Variants in CNIH4 observed in about 807,000 individuals in gnomAD.
CNIH4 encodes the protein protein cornichon homolog 4.
Under a neutral mutation model 21.5 loss-of-function variants are expected in CNIH4, and 9 were observed. That is an observed-to-expected ratio of 0.42 (90% CI 0.25 to 0.73). CNIH4 has a LOEUF of 0.73. CNIH4 is among the 30% of genes least tolerant of loss of function. The probability of loss-of-function intolerance (pLI) is 0.27; values close to 1 mark genes in which losing one functional copy is unlikely to be tolerated. For missense variants in CNIH4, 159 were observed against 170.0 expected, an observed-to-expected ratio of 0.94 and a Z score of 0.36; for synonymous variants, 67 against 59.1, an observed-to-expected ratio of 1.13 and a Z score of -0.61.
At chr1:224,358,621 T>G (rs1374583105) in intron 1 of CNIH4, among the ~76,000 whole-genome samples, 1 of 152,200 alleles carries the variant, frequency 6.6e-6, no homozygotes, top group Non-Finnish European at 1.5e-5. Flanking sequence ...AGTATTAGTG[T>G]ATTTTATGTG....
At chr1:224,375,734 C>T in intron 4 of CNIH4, 61 bp from the exon 5 acceptor site, 3 of 1,601,940 alleles carry the variant, frequency 1.9e-6, no homozygotes, top group Admixed American at 1.7e-5. Context: ...TCTGGACAAA[C>T]CAGGCTCTGT....
chr1:224,365,991 G>C lies in CNIH4; in HGVS notation c.251G>C (p.Arg84Pro), dbSNP rs183720647. Reference sequence around the variant, plus strand: ...CCTGTTGCCACTTGGAATATATATCGGTGAGTATAGTTTGTTTACTTTGGT... The same window carrying C: ...CCTGTTGCCACTTGGAATATATATCCGTGAGTATAGTTTGTTTACTTTGGT... ...NLPVATWNIY[R>P]YIMVPSGNMG... Residue 84 changes from arginine to proline, a missense_variant and splice_region_variant, in exon 3 of 5, where the codon CGA becomes CCA. By Grantham distance (103) the Arg-to-Pro change is moderately radical. Coordinates refer to ENST00000465271, the MANE Select transcript of CNIH4 (RefSeq NM_014184.4). The C allele has an allele frequency of 1.3e-6, 2 of 1,550,442 alleles. No individual in the cohort carries two copies. The highest frequency in any genetic ancestry group is 8.9e-7 in the Non-Finnish European group (1 of 1,122,430).
At chr1:224,366,037 A>G (rs756655905) in intron 3 of CNIH4, 46 bp downstream of exon 3, 6 of 1,259,420 alleles carry the variant, frequency 4.8e-6, no homozygotes, top group Non-Finnish European at 7.0e-6. Context: ...TTAAAAAAAA[A>G]TTTAAAAAGT....
In CNIH4 at chr1:224,371,336, A is replaced by C; in HGVS notation, c.305A>C (p.His102Pro). ...NMGVFDPTEI[H>P]NRGQLKSHMK... ...GGAGTGTTTGATCCAACAGAAATAC[A>C]CAATCGAGGGCAGCTGAAGTCACAC... The change falls in exon 4 of 5, where the codon CAC becomes CCC. Residue 102 changes from histidine (H) to proline (P), a missense_variant. Transcript: ENST00000465271. The C allele has an allele frequency of 6.2e-7, 1 of 1,614,140 alleles. No homozygotes were observed. Among genetic ancestry groups the C allele is most frequent in the Non-Finnish European group, 8.5e-7 (1 of 1,180,004 alleles).
intron 2 of CNIH4, 146 bp downstream of exon 2, chr1:224,360,709 A>G (rs1179832224): frequency 2.3e-5 from 10 of 435,880 alleles, no homozygotes; most frequent in Middle Eastern, 6.1e-4. Flanking sequence ...GCTGTGTTTT[A>G]CAATATTTTA....
chr1:224,365,507 G>C (rs763666435), intron 2 of CNIH4, among the ~76,000 whole-genome samples: 1 of 152,208 alleles, frequency 6.6e-6, no homozygotes, highest in Non-Finnish European at 1.5e-5. Context: ...GACTTGAAAG[G>C]CAACATGTGT....
At chr1:224,370,432 A>C (rs951448370) in intron 3 of CNIH4, among the ~76,000 whole-genome samples, 1 of 152,204 alleles carries the variant, frequency 6.6e-6, no homozygotes, top group Non-Finnish European at 1.5e-5. Context: ...GTACTAGAAG[A>C]AGCTTAGACG....
chr1:224,357,157 G>A, intron 1 of CNIH4, 164 bp downstream of exon 1: 1 of 722,588 alleles, frequency 1.4e-6, no homozygotes, highest in South Asian at 1.8e-5. Context: ...CCCGGAGCGG[G>A]TAGGAGAGGC....
chr1:224,363,679 C>T (rs1254709599), intron 2 of CNIH4, among the ~76,000 whole-genome samples: 1 of 152,134 alleles, frequency 6.6e-6, no homozygotes, highest in Non-Finnish European at 1.5e-5. Flanking sequence ...CTGTTTCCAT[C>T]CAGTTCTTTT....
intron 2 of CNIH4, among the ~76,000 whole-genome samples, chr1:224,362,552 T>C (rs1376010285): frequency 6.9e-6 from 1 of 144,376 alleles, no homozygotes; most frequent in Non-Finnish European, 1.5e-5. Flanking sequence ...TGCAGTGGCG[T>C]GATCTCAGCT....
At position 224,360,541 on chromosome 1, in the gene CNIH4, C is replaced by T; in HGVS notation, c.116C>T (p.Ser39Leu). 1 of 1,484,636 alleles carries T rather than the reference C, an allele frequency of 6.7e-7. No individual in the cohort carries two copies. 92.0% of individuals were successfully genotyped at this position (1,484,636 alleles called of 1,614,324 possible). A position where few individuals can be genotyped will look rare whatever the true frequency, so the allele number is the denominator to read the frequency against. Residue 39 changes from serine to leucine, a missense_variant, in exon 2 of 5, where the codon TCA becomes TTA. Coordinates refer to ENST00000465271, the MANE Select transcript of CNIH4 (RefSeq NM_014184.4). Reference protein sequence around the residue: ...DLECDYINARSCCSKLNKWVI... With the variant: ...DLECDYINARLCCSKLNKWVI... ...GAATGTGATTACATTAATGCTAGAT[C>T]ATGTTGCTCAAAATTAAACAAGGTA...
At chr1:224,360,292 G>A (rs1397849044) in intron 1 of CNIH4, among the ~76,000 whole-genome samples, 4 of 151,714 alleles carry the variant, frequency 2.6e-5, no homozygotes, top group Non-Finnish European at 5.9e-5. Flanking sequence ...GATTAGATTT[G>A]AGCAAAATAG....
At chr1:224,361,979 C>T (rs1672300866) in intron 2 of CNIH4, among the ~76,000 whole-genome samples, 2 of 152,160 alleles carry the variant, frequency 1.3e-5, no homozygotes, top group African/African-American at 2.4e-5. Context: ...TCATAGTTGT[C>T]AGAGTACAGG....
intron 3 of CNIH4, among the ~76,000 whole-genome samples, chr1:224,369,010 A>C (rs545310213): frequency 1.1e-4 from 16 of 151,372 alleles, no homozygotes; most frequent in African/African-American, 2.7e-4. Flanking sequence ...TGCCTGTTAT[A>C]AGCATTAATA....
intron 2 of CNIH4, chr1:224,364,439 T>A: frequency 2.2e-6 from 2 of 922,892 alleles, no homozygotes; most frequent in Non-Finnish European, 2.6e-6. Context: ...TCTAATTCTC[T>A]ACAACAACTT....
chr1:224,366,217 T>G (rs1287923582), intron 3 of CNIH4, among the ~76,000 whole-genome samples: 1 of 152,096 alleles, frequency 6.6e-6, no homozygotes, highest in Non-Finnish European at 1.5e-5. Context: ...AATTTTTGTA[T>G]TTTTACTAGA....
Position 224,375,908 on chromosome 1 carries a change from T to G in CNIH4, c.*86T>G. The G allele has an allele frequency of 6.4e-7, 1 of 1,558,632 alleles. No homozygotes were observed. ...ACTTCTTAAATCATCCTTAGAACCG[T>G]GACCATAGCAGTATATATTTTCCTC... is the stretch of plus-strand genomic sequence containing the variant. On this transcript the variant is annotated 3_prime_UTR_variant, in exon 5 of 5. Transcript: ENST00000465271.
chr1:224,367,216 T>C (rs778226429), intron 3 of CNIH4, among the ~76,000 whole-genome samples: 31 of 152,310 alleles, frequency 2.0e-4, no homozygotes, highest in Middle Eastern at 3.4e-3. Flanking sequence ...GTCTAGTTTT[T>C]TGGGACAGGA....
intron 2 of CNIH4, among the ~76,000 whole-genome samples, chr1:224,362,183 C>T (rs1343207650): frequency 1.3e-5 from 2 of 151,662 alleles, no homozygotes; most frequent in East Asian, 3.9e-4. Flanking sequence ...CGGGTTCATG[C>T]TATTCTCCTG....
Sources: allele counts gnomAD v4.1 joint callset (sites outside exome capture counted in the v4.1 genomes callset), GRCh38; gene constraint gnomAD v4.1.1; transcripts MANE v1.5; gene names NCBI Gene and HGNC (gene_info 2026-07-23, HGNC 2026-07-21).